PCNX3: variants seen among roughly 807,000 people sequenced by gnomAD.
The protein encoded by PCNX3 is pecanex 3.
Under a neutral mutation model 207.2 loss-of-function variants are expected in PCNX3, and 58 were observed. The observed-to-expected ratio is 0.28, with a 90% CI of 0.23 to 0.35. The LOEUF (loss-of-function observed/expected upper bound fraction) is 0.35. Among genes scored for constraint, PCNX3 ranks in the 10% least tolerant of loss-of-function variants. The pLI is 1.00. For synonymous variants in PCNX3, 1,337 were observed against 1,183.5 expected, an observed-to-expected ratio of 1.13 and a Z score of -2.66; for missense variants, 2,410 against 2,774.4, an observed-to-expected ratio of 0.87 and a Z score of 2.95.
At position 65,623,441 on chromosome 11, in the gene PCNX3, A is replaced by C. The variant is rs778191711; in HGVS notation, c.2358-50A>C. 9.1e-6 allele frequency: 14 copies of C among 1,533,584 alleles called. No individual in the cohort carries two copies. In the South Asian group the frequency reaches 1.7e-4, roughly 18 times the overall value. 95.0% of individuals were successfully genotyped at this position (1,533,584 alleles called of 1,614,324 possible). The stretch of plus-strand genomic sequence containing the variant: ...CAAGATCCATCTTCCCCACTGCCCC[A>C]CTGGAAGGTGAGGCAAGACGGGCAC... On this transcript the variant is annotated intron_variant, in intron 11 of 34. Coordinates refer to ENST00000355703, the MANE Select transcript of PCNX3 (RefSeq NM_032223.4).
chr11:65,616,202 G>T lies in PCNX3; in HGVS notation c.-110G>T. The T allele has an allele frequency of 1.1e-6, 1 of 882,366 alleles. No homozygotes were observed. Among genetic ancestry groups the T allele is most frequent in the Non-Finnish European group, 1.6e-6 (1 of 633,934 alleles). The allele number at this position is 882,366 out of a possible 1,614,324, so 54.7% of individuals were successfully genotyped here. On this transcript the variant is annotated 5_prime_UTR_variant, in exon 1 of 35. Transcript: ENST00000355703. The stretch of plus-strand genomic sequence containing the variant: ...CTCCCCCGCTGGGGGAGGCCATGGC[G>T]TGAGCGTGAGGCCGGGCCCCGGGGC...
Position 65,619,475 on chromosome 11 carries a change from C to T in PCNX3, c.1706-62C>T, listed in dbSNP as rs376470202. 5.9e-5 allele frequency: 93 copies of T among 1,582,624 alleles called. No homozygotes were observed. In the Middle Eastern group the frequency reaches 1.2e-3, roughly 21 times the overall value. On this transcript the variant is annotated intron_variant, in intron 6 of 34. Transcript: ENST00000355703. ...TCCCTGGCGGAACACCGTCCCCAAC[C>T]TTACTCCCCCAGCCTTGTCTGAGCA...
In PCNX3 at chr11:65,637,278, C is replaced by A. The variant is rs1441074579; in HGVS notation, c.*300C>A. The A allele has an allele frequency of 2.2e-6, 1 of 446,152 alleles. No homozygotes were observed. The highest frequency in any genetic ancestry group is 3.6e-5 in the Admixed American group (1 of 27,474). The allele number at this position is 446,152 out of a possible 1,614,324, so 27.6% of individuals were successfully genotyped here. ...GAGCCTGTGGCCAGGACCACCTCAG[C>A]CCCTGGGCCTGCACTGCCTGCAGGT... On this transcript the variant is annotated 3_prime_UTR_variant, in exon 35 of 35. Coordinates refer to ENST00000355703, the MANE Select transcript of PCNX3 (RefSeq NM_032223.4).
Position 65,624,346 on chromosome 11 carries a change from G to T in PCNX3, c.2696G>T (p.Cys899Phe). ...CTCTTCTCTGCCTCCTTCTTCTTCT[G>T]TGCCCGAGACGTGGCCACTGGTGAG... ...LTLFSASFFF[C>F]ARDVATVFTL... The change falls in exon 14 of 35, where the codon TGT becomes TTT. Residue 899 changes from cysteine (C) to phenylalanine (F), a missense_variant. Cys to Phe is a radical substitution (Grantham distance 205, BLOSUM62 -2). This residue lies in a region of PCNX3 where 177 missense variants were observed against 257.5 expected (regional missense o/e 0.69). Transcript: ENST00000355703. 1 of 1,556,704 alleles carries T rather than the reference G, an allele frequency of 6.4e-7. No individual in the cohort carries two copies. The highest frequency in any genetic ancestry group is 8.7e-7 in the Non-Finnish European group (1 of 1,149,828).
rs569693286 is a variant in PCNX3, at chr11:65,630,550, C to T, written c.4416C>T (p.Ala1472=). 6.2e-7 allele frequency: 1 copy of T among 1,613,402 alleles called. No individual in the cohort carries two copies. The highest frequency in any genetic ancestry group is 1.3e-5 in the African/African-American group (1 of 75,048). The change falls in exon 27 of 35, where the codon GCC becomes GCT. Residue 1472 remains alanine (A), a synonymous_variant. Transcript: ENST00000355703. ...ATAGCATTAGTGACAATAATGCTGC[C>T]TCCATGCTGCAGGTTTTCGACCTCC... ...EGYSISDNNA[A]SMLQVFDLRK...
At position 65,616,863 on chromosome 11, in the gene PCNX3, C is replaced by G; in HGVS notation, c.193C>G (p.Leu65Val). 1.2e-6 allele frequency: 2 copies of G among 1,613,636 alleles called. No homozygotes were observed. The highest frequency in any genetic ancestry group is 1.7e-6 in the Non-Finnish European group (2 of 1,179,834). The change falls in exon 2 of 35, where the codon CTC becomes GTC. Residue 65 changes from leucine to valine, a missense_variant. Transcript: ENST00000355703. ...PSLMVAGVYCLVVAVIFATIK... is the reference protein window; with the variant it reads ...PSLMVAGVYCVVVAVIFATIK... ...CTTGATGGTGGCCGGCGTGTACTGC[C>G]TCGTGGTGGCTGTCATCTTTGCTAC...
rs565322989 is a variant in PCNX3 at position 65,636,989 on chromosome 11, G to T, written c.*11G>T. 2 of 1,561,224 alleles carry T rather than the reference G, an allele frequency of 1.3e-6. No individual in the cohort carries two copies. The highest frequency in any genetic ancestry group is 1.8e-4 in the Middle Eastern group (1 of 5,596). ...GAACACCAGTACTGAGCTACCTGGC[G>T]CCCACTGGACCACCTCCTAGGATTC... On this transcript the variant is annotated 3_prime_UTR_variant, in exon 35 of 35. Transcript: ENST00000355703.
rs1160157417 is a variant in PCNX3, at chr11:65,618,381, C to G, written c.1019C>G (p.Pro340Arg). Residue 340 changes from proline to arginine, a missense_variant, in exon 6 of 35, where the codon CCC becomes CGC. Transcript: ENST00000355703. ...PAPEGSDTDPPSEAELPASPD... is the reference protein window; with the variant it reads ...PAPEGSDTDPRSEAELPASPD... The stretch of plus-strand genomic sequence containing the variant: ...CCTGAGGGCAGCGACACAGACCCAC[C>G]CTCTGAGGCTGAGCTGCCTGCCTCA... The G allele has an allele frequency of 1.2e-6, 2 of 1,612,686 alleles. No homozygotes were observed. Among genetic ancestry groups the G allele is most frequent in the African/African-American group, 2.7e-5 (2 of 74,954 alleles).
rs779411637 is a variant in PCNX3 at position 65,628,856 on chromosome 11, G to C, written c.3849G>C (p.Gly1283=). The C allele has an allele frequency of 6.2e-7, 1 of 1,612,428 alleles. No homozygotes were observed. The highest frequency in any genetic ancestry group is 1.7e-5 in the Admixed American group (1 of 59,998). ...AMLFVQALLS[G]LFSTPLNPLL... ...TGTTCGTCCAGGCCCTGCTCTCGGG[G>C]CTCTTCTCCACGCCTCTCAACCCAC... Residue 1283 remains glycine (G), a synonymous_variant, in exon 24 of 35, where the codon GGG becomes GGC. Transcript: ENST00000355703.
chr11:65,618,744 C>A lies in PCNX3; in HGVS notation c.1382C>A (p.Ala461Glu), dbSNP rs758394321. ...TACTCCCCTGAGAGCTCCCGGGGTG[C>A]AGCAGGGGGACCCCGGAAGCGGAGG... ...SCYSPESSRGAAGGPRKRRAP... is the reference protein window; with the variant it reads ...SCYSPESSRGEAGGPRKRRAP... Residue 461 changes from alanine (A) to glutamate (E), a missense_variant, in exon 6 of 35, where the codon GCA (alanine) becomes GAA (glutamate). Around this residue, in one of 8 missense-constraint regions of PCNX3, gnomAD observed 1,104 missense variants for 970.3 expected, o/e 1.14. Transcript: ENST00000355703. 4 of 1,612,090 alleles carry A rather than the reference C, an allele frequency of 2.5e-6. No individual in the cohort carries two copies. In the South Asian group the frequency reaches 4.4e-5, roughly 18 times the overall value.
Position 65,625,272 on chromosome 11 carries a change from C to A in PCNX3, c.3021C>A (p.Thr1007=), listed in dbSNP as rs752266514. 1 of 1,608,000 alleles carries A rather than the reference C, an allele frequency of 6.2e-7. No homozygotes were observed. The highest frequency in any genetic ancestry group is 1.7e-5 in the Admixed American group (1 of 59,926). The change falls in exon 17 of 35, where the codon ACC becomes ACA. Residue 1007 remains threonine, a synonymous_variant. Transcript: ENST00000355703. The surrounding 1 kb of genome is among the most constrained non-coding windows in gnomAD (Gnocchi z 5.6). ...TGAGCCGGCAGAGCAGCGACCCCAC[C>A]GTGCTCTGGTGGGTGTGCTCCGGGT... ...YHLSRQSSDP[T]VLWSLIRSKL...
Position 65,635,182 on chromosome 11 carries a change from G to C in PCNX3, c.4954-36G>C, listed in dbSNP as rs567207447. On this transcript the variant is annotated intron_variant, in intron 30 of 34. Transcript: ENST00000355703. This position sits in a 1 kb window ranked among gnomAD's most constrained non-coding sequence, Gnocchi z 9.9. ...GGGGATGAAGCCTCTCTCCAGGGCA[G>C]GGGCCACTGACCCCTGTTCCCGTCT... The C allele has an allele frequency of 1.9e-6, 3 of 1,599,874 alleles. No homozygotes were observed. The East Asian group carries it at 6.8e-5, about 36-fold the overall frequency.
rs749961259 is a variant in PCNX3 at position 65,635,137 on chromosome 11, C to T, written c.4953+17C>T. ...CTTCACCAGGTTGGGGAGGGGTGTG[C>T]CCAGCAGCATGGGCAGGTGGGGGAT... is the stretch of plus-strand genomic sequence containing the variant. On this transcript the variant is annotated intron_variant, in intron 30 of 34. Coordinates refer to ENST00000355703, the MANE Select transcript of PCNX3 (RefSeq NM_032223.4). The surrounding 1 kb of genome is among the most constrained non-coding windows in gnomAD (Gnocchi z 9.9). The T allele has an allele frequency of 6.2e-6, 10 of 1,610,434 alleles. No individual in the cohort carries two copies. The Admixed American group carries it at 1.5e-4, about 24-fold the overall frequency.
At chr11:65,624,714 C>T in intron 15 of PCNX3, 133 bp downstream of exon 15, 2 of 958,782 alleles carry the variant, frequency 2.1e-6, no homozygotes, top group Non-Finnish European at 3.1e-6. Context: ...TTTCTGCCTT[C>T]TCCCCTCTCC....
chr11:65,626,598 C>A, intron 20 of PCNX3: 1 of 472,782 alleles, frequency 2.1e-6, no homozygotes, highest in East Asian at 4.2e-5. Context: ...AGCTCACGGG[C>A]TCACTGTGCA....
Position 65,624,251 on chromosome 11 carries a change from G to C in PCNX3, c.2601G>C (p.Leu867=). Residue 867 remains leucine (L), a synonymous_variant, in exon 14 of 35, where the codon CTG becomes CTC. Transcript: ENST00000355703. ...CTGTCTACTTCTGCATCTGCTGTCT[G>C]CTCATCTGGCTGCTGGACGCCCTGG... ...SRPVYFCICC[L]LIWLLDALGS... 4 of 1,606,298 alleles carry C rather than the reference G, an allele frequency of 2.5e-6. No individual in the cohort carries two copies. The highest frequency in any genetic ancestry group is 3.4e-6 in the Non-Finnish European group (4 of 1,176,494).
Position 65,618,458 on chromosome 11 carries a change from A to G in PCNX3, c.1096A>G (p.Ile366Val), listed in dbSNP as rs1177388975. ...DDTLRSFDTVIGAGTPPGLAE... is the reference protein window; with the variant it reads ...DDTLRSFDTVVGAGTPPGLAE... ...CACGCTGCGTTCCTTTGACACGGTC[A>G]TTGGAGCAGGGACGCCACCGGGCCT... The change falls in exon 6 of 35, where the codon ATT (isoleucine) becomes GTT (valine). Residue 366 changes from isoleucine (I) to valine (V), a missense_variant. By Grantham distance (29) the Ile-to-Val change is conservative. Coordinates refer to ENST00000355703, the MANE Select transcript of PCNX3 (RefSeq NM_032223.4). 1 of 1,610,310 alleles carries G rather than the reference A, an allele frequency of 6.2e-7. No individual in the cohort carries two copies. Among genetic ancestry groups the G allele is most frequent in the Non-Finnish European group, 8.5e-7 (1 of 1,178,868 alleles).
At chr11:65,622,502 G>A in intron 11 of PCNX3, 136 bp downstream of exon 11, 1 of 1,157,198 alleles carries the variant, frequency 8.6e-7, no homozygotes, top group South Asian at 1.7e-5. Context: ...TCGTTGGCTG[G>A]AGTCTGCAGT....
chr11:65,624,675 TCTC>T lies in PCNX3; in HGVS notation c.2827+97_2827+99del, dbSNP rs577341790. The T allele has an allele frequency of 6.0e-3, 7,085 of 1,185,962 alleles. 31 individuals carry two copies. The highest frequency in any genetic ancestry group is 7.9e-3 in the Non-Finnish European group (6,564 of 828,620). The allele number at this position is 1,185,962 out of a possible 1,614,324, so 73.5% of individuals were successfully genotyped here. ...CCTTGGCTCCACCCTTGCGGAACCT[TCTC>T]CTGCGTCTGTACTGCAGACTCAAGG... On this transcript the variant is annotated intron_variant, in intron 15 of 34. Coordinates refer to ENST00000355703, the MANE Select transcript of PCNX3 (RefSeq NM_032223.4).
Sources: allele counts gnomAD v4.1 joint callset, GRCh38; gene constraint gnomAD v4.1.1; regional missense constraint gnomAD v4.1.1; non-coding constraint Gnocchi (gnomAD v3.1); transcripts MANE v1.5; gene names NCBI Gene and HGNC (gene_info 2026-07-23, HGNC 2026-07-21).